PLA2R1: variants seen among roughly 807,000 people sequenced by gnomAD.
The protein encoded by PLA2R1 is phospholipase A2 receptor 1.
A neutral mutation model predicts 195.9 loss-of-function variants in PLA2R1; 158 were observed. The observed-to-expected ratio is 0.81, with a 90% CI of 0.71 to 0.92. The LOEUF is 0.92. PLA2R1 is among the 40% of genes least tolerant of loss of function. PLA2R1 has a pLI of 0.00. For missense variants in PLA2R1, 1,626 were observed against 1,764.6 expected, an observed-to-expected ratio of 0.92 and a Z score of 1.41; for synonymous variants, 586 against 598.2, an observed-to-expected ratio of 0.98 and a Z score of 0.30.
At chr2:159,967,732 G>A (rs1688882770) in intron 19 of PLA2R1, 54 bp from the exon 20 acceptor site, 2 of 1,510,992 alleles carry the variant, frequency 1.3e-6, no homozygotes, top group Non-Finnish European at 9.1e-7. Flanking sequence ...ATTCTTTGAA[G>A]GCATTCTCTA....
chr2:160,033,837 T>G (rs1308512925), intron 3 of PLA2R1, among the ~76,000 whole-genome samples: 2 of 152,026 alleles, frequency 1.3e-5, no homozygotes, highest in African/African-American at 4.8e-5. Flanking sequence ...AAAATCAAAC[T>G]CCAAGGTGAA....
intron 1 of PLA2R1, among the ~76,000 whole-genome samples, chr2:160,052,917 T>TA (rs949143077): frequency 2.0e-5 from 3 of 152,032 alleles, no homozygotes; most frequent in African/African-American, 7.2e-5. Context: ...GTAGAAATGT[T>TA]AAAAAACAAA....
Position 159,935,761 on chromosome 2 carries a change from C to A in PLA2R1, c.*6017G>T, listed in dbSNP as rs781426920. On this transcript the variant is annotated 3_prime_UTR_variant, in exon 30 of 30. Coordinates refer to ENST00000283243, the MANE Select transcript of PLA2R1 (RefSeq NM_007366.5). ...GATACTACAACAATTTGAATTCTAT[C>A]ATAATCTATTTAAAAATAGAAATAA... 1 of 152,030 alleles carries A rather than the reference C, an allele frequency of 6.6e-6. No homozygotes were observed. Among genetic ancestry groups the A allele is most frequent in the Non-Finnish European group, 1.5e-5 (1 of 68,004 alleles). The allele number at this position is 152,030 out of a possible 1,614,324, so 9.4% of individuals were successfully genotyped here.
Position 159,933,505 on chromosome 2 carries a change from T to A in PLA2R1, c.*8273A>T, listed in dbSNP as rs1686675456. The stretch of plus-strand genomic sequence containing the variant: ...CTTTCTCTACTTCTGACAGAATTAA[T>A]CAGTCCCCTCTCCTTTTTTTTCTGA... On this transcript the variant is annotated 3_prime_UTR_variant, in exon 30 of 30. Transcript: ENST00000283243. 1 of 152,236 alleles carries A rather than the reference T, an allele frequency of 6.6e-6. No individual in the cohort carries two copies. The highest frequency in any genetic ancestry group is 2.4e-5 in the African/African-American group (1 of 41,470). The allele number at this position is 152,236 out of a possible 1,614,324, so 9.4% of individuals were successfully genotyped here. A position where few individuals can be genotyped will look rare whatever the true frequency, so the allele number is the denominator to read the frequency against.
chr2:159,946,185 A>T (rs1430484207), intron 27 of PLA2R1: 1 of 872,318 alleles, frequency 1.1e-6, no homozygotes, highest in African/African-American at 1.8e-5. Context: ...TTTTATTATC[A>T]CCATCTGCTT....
At chr2:160,018,765 A>G (rs937069159) in intron 8 of PLA2R1, among the ~76,000 whole-genome samples, 2 of 152,382 alleles carry the variant, frequency 1.3e-5, no homozygotes, top group Middle Eastern at 3.4e-3. Context: ...CTTAGCATGT[A>G]TAATTGTTAC....
At position 159,951,622 on chromosome 2, in the gene PLA2R1, G is replaced by C. The variant is rs772441062; in HGVS notation, c.3302-44C>G. On this transcript the variant is annotated intron_variant, in intron 23 of 29. Transcript: ENST00000283243. ...CAAAAGTCATTTGCAGCATCTGGATGACAAAGGAAGAGGCAAAGCTTAGCA... is the reference window on the plus strand; with the variant it reads ...CAAAAGTCATTTGCAGCATCTGGATCACAAAGGAAGAGGCAAAGCTTAGCA... 3.1e-6 allele frequency: 3 copies of C among 963,598 alleles called. No individual in the cohort carries two copies. The Admixed American group carries it at 5.1e-5, about 17-fold the overall frequency. 59.7% of individuals were successfully genotyped at this position (963,598 alleles called of 1,614,324 possible).
At chr2:159,948,248 T>C (rs533466187) in intron 25 of PLA2R1, among the ~76,000 whole-genome samples, 180 of 152,180 alleles carry the variant, frequency 1.2e-3, no homozygotes, top group African/African-American at 4.1e-3. Flanking sequence ...CAAAAAACTT[T>C]TTAAAAGACA....
chr2:159,928,776 A>G (rs1011461556), downstream of PLA2R1, among the ~76,000 whole-genome samples: 1 of 152,234 alleles, frequency 6.6e-6, no homozygotes, highest in African/African-American at 2.4e-5. Context: ...AGTCACCAAA[A>G]CAGCATGGTA....
the PLA2R1 span, among the ~76,000 whole-genome samples, chr2:159,925,856 G>C: frequency 2.0e-5 from 3 of 152,266 alleles, no homozygotes; most frequent in Admixed American, 2.0e-4. Flanking sequence ...GTATATTTTA[G>C]TGCTTGTCTC....
At position 159,967,626 on chromosome 2, in the gene PLA2R1, T is replaced by A. The variant is rs1415231652; in HGVS notation, c.2817A>T (p.Arg939=). 1 of 1,613,704 alleles carries A rather than the reference T, an allele frequency of 6.2e-7. No individual in the cohort carries two copies. The highest frequency in any genetic ancestry group is 8.5e-7 in the Non-Finnish European group (1 of 1,179,766). ...TTTTCTCTATGAGCCAAACCTTTTT[T>A]CGCTTACAGATACTAGGCATAGAAA... is the stretch of plus-strand genomic sequence containing the variant. The part of the protein sequence containing the change: ...CSVSMPSICK[R]KKVWLIEKKK... The change falls in exon 20 of 30, where the codon CGA becomes CGT. Residue 939 remains arginine, a synonymous_variant. Transcript: ENST00000283243.
intron 24 of PLA2R1, among the ~76,000 whole-genome samples, chr2:159,950,951 C>T (rs532669787): frequency 1.4e-4 from 22 of 152,300 alleles, no homozygotes; most frequent in African/African-American, 5.1e-4. Context: ...AATCACATTT[C>T]TAGACAAGAA....
intron 27 of PLA2R1, 117 bp downstream of exon 27, chr2:159,946,684 G>A: frequency 6.9e-7 from 1 of 1,441,628 alleles, no homozygotes; most frequent in South Asian, 1.7e-5. Context: ...TAGGCTTCAT[G>A]CTATTTTTTC....
chr2:160,039,907 G>A (rs1694416861), intron 3 of PLA2R1, among the ~76,000 whole-genome samples: 2 of 150,858 alleles, frequency 1.3e-5, no homozygotes, highest in African/African-American at 4.9e-5. Flanking sequence ...GTTTCCCAGT[G>A]GAAACTTCTT....
At chr2:159,994,382 G>T (rs891093920) in intron 11 of PLA2R1, among the ~76,000 whole-genome samples, 1 of 152,010 alleles carries the variant, frequency 6.6e-6, no homozygotes, top group Non-Finnish European at 1.5e-5. Context: ...GACTTTAGGA[G>T]ATCTATCAAC....
rs1455820109 is a variant in PLA2R1 at position 159,939,104 on chromosome 2, T to G, written c.*2674A>C. Reference sequence around the variant, plus strand: ...GTAATTTTGTTACATAAATACAGTATGTAGTGGTAAAGTCTGGTGTAACCA... The same window carrying G: ...GTAATTTTGTTACATAAATACAGTAGGTAGTGGTAAAGTCTGGTGTAACCA... On this transcript the variant is annotated 3_prime_UTR_variant, in exon 30 of 30. Transcript: ENST00000283243. 1 of 152,226 alleles carries G rather than the reference T, an allele frequency of 6.6e-6. No individual in the cohort carries two copies. Among genetic ancestry groups the G allele is most frequent in the Non-Finnish European group, 1.5e-5 (1 of 68,030 alleles). 9.4% of individuals were successfully genotyped at this position (152,226 alleles called of 1,614,324 possible). A position where few individuals can be genotyped will look rare whatever the true frequency, so the allele number is the denominator to read the frequency against.
chr2:160,025,588 CAAAAA>C (rs56365741), intron 6 of PLA2R1, among the ~76,000 whole-genome samples: 6 of 52,868 alleles, frequency 1.1e-4, no homozygotes, highest in Admixed American at 2.8e-4. Context: ...AACCATAAAG[CAAAAA>C]AAAAAAAAAA....
At chr2:160,019,246 T>C (rs148403680) in intron 8 of PLA2R1, among the ~76,000 whole-genome samples, 7 of 152,314 alleles carry the variant, frequency 4.6e-5, no homozygotes, top group South Asian at 4.2e-4. Context: ...ACTGTTTAAA[T>C]CCTTTTATGT....
chr2:160,054,976 T>C (rs1695444038), intron 1 of PLA2R1, among the ~76,000 whole-genome samples: 1 of 152,168 alleles, frequency 6.6e-6, no homozygotes, highest in Non-Finnish European at 1.5e-5. Flanking sequence ...AGGGGACCGT[T>C]TCTTCAGAAA....
Sources: gnomAD v4.1 joint callset for allele counts (sites outside exome capture counted in the v4.1 genomes callset) on GRCh38, gnomAD v4.1.1 for gene constraint, MANE v1.5 for transcripts, NCBI Gene and HGNC (gene_info 2026-07-23, HGNC 2026-07-21) for gene names.